The following PLA2G4C variants were observed in gnomAD, a reference collection of about 807,000 sequenced individuals.
PLA2G4C encodes the protein cytosolic phospholipase A2 gamma.
Under a neutral mutation model 73.8 loss-of-function variants are expected in PLA2G4C, and 64 were observed. That is an observed-to-expected ratio of 0.87 (90% CI 0.71 to 1.07). The LOEUF is 1.07. Ranked by LOEUF, PLA2G4C falls within the 50% of genes least tolerant of loss-of-function variation. PLA2G4C has a pLI of 0.00. For missense variants in PLA2G4C, 622 were observed against 665.4 expected (o/e 0.93, Z 0.72); for synonymous variants, 254 against 252.1 (o/e 1.01, Z -0.07).
chr19:48,110,542 CCGGTG>C lies in PLA2G4C; in HGVS notation c.-93_-89del. ...CGCGGTGGAGCTTGTGCTCCGGAAT[CCGGTG>C]CGGAGGCTTGGGCTCCCTGCGCTTA... is the stretch of plus-strand genomic sequence containing the variant. On this transcript the variant is annotated 5_prime_UTR_variant, in exon 1 of 17. Transcript: ENST00000599921. 6.5e-7 allele frequency: 1 copy of C among 1,531,310 alleles called. No homozygotes were observed. Among genetic ancestry groups the C allele is most frequent in the Non-Finnish European group, 8.8e-7 (1 of 1,142,020 alleles). The allele number at this position is 1,531,310 out of a possible 1,614,324, so 94.9% of individuals were successfully genotyped here.
At position 48,052,934 on chromosome 19, in the gene PLA2G4C, G is replaced by A. The variant is rs1282999718; in HGVS notation, c.1580+63C>T. On this transcript the variant is annotated intron_variant, in intron 16 of 16. Transcript: ENST00000599921. ...AACCCTCCTGCCTGTTGCAGAGAAAGTTCTCCAACAGATACTTACTGAACG... is the reference window on the plus strand; with the variant it reads ...AACCCTCCTGCCTGTTGCAGAGAAAATTCTCCAACAGATACTTACTGAACG... The A allele has an allele frequency of 1.5e-5, 23 of 1,529,058 alleles. No individual in the cohort carries two copies. In the Admixed American group the frequency reaches 4.3e-4, roughly 29 times the overall value. The allele number at this position is 1,529,058 out of a possible 1,614,324, so 94.7% of individuals were successfully genotyped here.
chr19:48,077,663 G>A lies in PLA2G4C; in HGVS notation c.898+108C>T, dbSNP rs559102800. ...TCCATGCTCCTCTCCATTCCCAAAG[G>A]AGCACCACATGAATCAGACACGTAA... On this transcript the variant is annotated intron_variant, in intron 11 of 16. Coordinates refer to ENST00000599921, the MANE Select transcript of PLA2G4C (RefSeq NM_003706.3). 4.1e-4 allele frequency: 324 copies of A among 798,978 alleles called. No homozygotes were observed. In the East Asian group the frequency reaches 9.1e-3, roughly 23 times the overall value. 49.5% of individuals were successfully genotyped at this position (798,978 alleles called of 1,614,324 possible). A position where few individuals can be genotyped will look rare whatever the true frequency, so the allele number is the denominator to read the frequency against.
At chr19:48,061,544 A>G (rs1043379633) in intron 14 of PLA2G4C, 28 of 161,846 alleles carry the variant, frequency 1.7e-4, no homozygotes, top group Admixed American at 7.2e-4. Context: ...GGAAGGTGCA[A>G]TATGTACTAA....
chr19:48,059,867 C>G (rs1171048069), intron 14 of PLA2G4C, among the ~76,000 whole-genome samples: 1 of 148,922 alleles, frequency 6.7e-6, no homozygotes, highest in African/African-American at 2.5e-5. Context: ...CTCCTGGGTT[C>G]AAGTGATTCT....
At chr19:48,104,827 A>C in intron 3 of PLA2G4C, 103 bp from the exon 4 acceptor site, 1 of 1,154,730 alleles carries the variant, frequency 8.7e-7, no homozygotes, top group South Asian at 1.5e-5. Flanking sequence ...TCACGCCTGT[A>C]ATCCCAGCAC....
chr19:48,081,170 A>AG (rs895140657), intron 10 of PLA2G4C, among the ~76,000 whole-genome samples: 1 of 151,908 alleles, frequency 6.6e-6, no homozygotes, highest in African/African-American at 2.4e-5. Context: ...CTCAAAAAAA[A>AG]AAAAAGATAT....
chr19:48,073,373 C>T (rs933915303), intron 12 of PLA2G4C, among the ~76,000 whole-genome samples: 8 of 152,050 alleles, frequency 5.3e-5, no homozygotes, highest in Non-Finnish European at 7.4e-5. Context: ...TTAGCCCAGT[C>T]GGGGATGGAC....
At chr19:48,105,238 C>T (rs572831464) in intron 3 of PLA2G4C, 95 bp downstream of exon 3, 19 of 755,756 alleles carry the variant, frequency 2.5e-5, no homozygotes, top group Non-Finnish European at 3.6e-5. Context: ...TCATATCCTT[C>T]GGTCCAGCTC....
intron 4 of PLA2G4C, among the ~76,000 whole-genome samples, chr19:48,101,222 T>C (rs1474241360): frequency 3.4e-5 from 5 of 149,180 alleles, no homozygotes; most frequent in Non-Finnish European, 7.4e-5. Context: ...ACCCCCAGGC[T>C]CAAATGATCC....
rs564045537 is a variant in PLA2G4C, at chr19:48,055,750, C to G, written c.1258-701G>C. Among the ~76,000 whole-genome samples the G allele has an allele frequency of 1.4e-4, 22 of 152,192 alleles. 1 individual carries two copies. In the South Asian group the frequency reaches 4.6e-3, roughly 32 times the overall value. ...CCGCCTCCCTGGTCCAAGCGATTCT[C>G]CTGCCTCCCGAGTAGCTGGGATTAC... On this transcript the variant is annotated intron_variant, in intron 14 of 16. Coordinates refer to ENST00000599921, the MANE Select transcript of PLA2G4C (RefSeq NM_003706.3).
At chr19:48,105,527 G>T in intron 2 of PLA2G4C, 83 bp from the exon 3 acceptor site, 2 of 1,019,064 alleles carry the variant, frequency 2.0e-6, no homozygotes, top group Non-Finnish European at 3.0e-6. Flanking sequence ...GAACTGGGCT[G>T]TCCAAGCAGG....
intron 11 of PLA2G4C, among the ~76,000 whole-genome samples, chr19:48,075,781 T>C (rs1227954842): frequency 6.6e-6 from 1 of 152,096 alleles, no homozygotes; most frequent in Non-Finnish European, 1.5e-5. Context: ...TTGCCATTTC[T>C]TTTTTGTTGT....
At chr19:48,103,780 T>A (rs1208249233) in intron 4 of PLA2G4C, among the ~76,000 whole-genome samples, 1 of 152,198 alleles carries the variant, frequency 6.6e-6, no homozygotes, top group Admixed American at 6.5e-5. Flanking sequence ...AAATCCTCCT[T>A]TAATGTCAGA....
chr19:48,082,318 T>C (rs111793606), intron 10 of PLA2G4C, among the ~76,000 whole-genome samples: 3,105 of 152,112 alleles, frequency 0.02, 109 homozygotes, highest in African/African-American at 0.07. Flanking sequence ...GTACATGTTA[T>C]AACTTTTTAC....
intron 8 of PLA2G4C, among the ~76,000 whole-genome samples, chr19:48,089,152 G>T (rs2031152052): frequency 6.6e-6 from 1 of 152,152 alleles, no homozygotes; most frequent in East Asian, 1.9e-4. Context: ...ATCAGCCCGG[G>T]CGTGGTGGTT....
intron 14 of PLA2G4C, among the ~76,000 whole-genome samples, chr19:48,060,581 C>T (rs1290283978): frequency 6.6e-6 from 1 of 152,188 alleles, no homozygotes; most frequent in Non-Finnish European, 1.5e-5. Context: ...ATGTGATTCC[C>T]ATTTTCAGGA....
chr19:48,081,203 A>T (rs2030543114), intron 10 of PLA2G4C, among the ~76,000 whole-genome samples: 1 of 151,912 alleles, frequency 6.6e-6, no homozygotes, highest in African/African-American at 2.4e-5. Flanking sequence ...GTGCCCATTG[A>T]CAAATGAGTG....
At chr19:48,109,059 C>T (rs1238703189) in intron 1 of PLA2G4C, 1 of 152,086 alleles carries the variant, frequency 6.6e-6, no homozygotes, top group East Asian at 1.9e-4. Flanking sequence ...TTGGCCTCTG[C>T]ACTAGAATAA....
intron 8 of PLA2G4C, among the ~76,000 whole-genome samples, chr19:48,089,938 G>T (rs897386200): frequency 6.6e-6 from 1 of 152,192 alleles, no homozygotes; most frequent in Non-Finnish European, 1.5e-5. Flanking sequence ...GCCTCTTAGG[G>T]TATTAAAGGG....
Sources: allele counts gnomAD v4.1 joint callset (sites outside exome capture counted in the v4.1 genomes callset), GRCh38; gene constraint gnomAD v4.1.1; transcripts MANE v1.5; gene names NCBI Gene and HGNC (gene_info 2026-07-23, HGNC 2026-07-21).